NR6A1: variants seen among roughly 807,000 people sequenced by gnomAD.
NR6A1 encodes the protein retinoic acid receptor-related testis-associated receptor.
In NR6A1, 7 loss-of-function variants were observed where a neutral mutation model predicts 59.1. The ratio of observed to expected loss-of-function variants is 0.12; its 90% CI spans 0.07 to 0.22. The LOEUF is 0.22. NR6A1 is among the 10% of genes least tolerant of loss of function. NR6A1 has a pLI of 1.00. For missense variants in NR6A1, 468 were observed against 611.6 expected (o/e 0.77, Z 2.48); for synonymous variants, 243 against 236.1 (o/e 1.03, Z -0.27).
Position 124,636,694 on chromosome 9 carries a change from C to T in NR6A1, c.143-82124G>A, listed in dbSNP as rs559858979. Among the ~76,000 whole-genome samples the T allele has an allele frequency of 3.3e-4, 50 of 152,294 alleles. No individual in the cohort carries two copies. In the South Asian group the frequency reaches 8.5e-3, roughly 26 times the overall value. On this transcript the variant is annotated intron_variant, in intron 2 of 9. Coordinates refer to ENST00000487099, the MANE Select transcript of NR6A1 (RefSeq NM_033334.4). ...AAAGACTGTTTCCTGCATCTTACTG[C>T]CTTTTCTCCTATGTCAAAGATCAGT...
At chr9:124,655,917 CA>C (rs941837818) in intron 2 of NR6A1, among the ~76,000 whole-genome samples, 9 of 152,274 alleles carry the variant, frequency 5.9e-5, no homozygotes, top group South Asian at 2.1e-4. Context: ...AATGGATAAA[CA>C]AAATGTGGTT....
chr9:124,640,534 G>C (rs969281590), intron 2 of NR6A1, among the ~76,000 whole-genome samples: 1 of 152,022 alleles, frequency 6.6e-6, no homozygotes, highest in African/African-American at 2.4e-5. Context: ...CAAGTGGCTA[G>C]GGCTACAGGA....
chr9:124,598,664 A>AAC lies in NR6A1; in HGVS notation c.143-44095_143-44094insGT, dbSNP rs1554731668. 3.3e-4 allele frequency: 134 copies of AAC among 400,726 alleles called. 2 individuals carry two copies. The highest frequency in any genetic ancestry group is 2.8e-3 in the African/African-American group (131 of 46,372). 24.8% of individuals were successfully genotyped at this position (400,726 alleles called of 1,614,324 possible). The stretch of plus-strand genomic sequence containing the variant: ...AGTAAAATTAAAAAAAAAAAAAAAA[A>AAC]AAAAACAAGGAAGGGAAAGAGAGGA... On this transcript the variant is annotated intron_variant, in intron 2 of 9. Transcript: ENST00000487099.
chr9:124,748,462 G>A (rs1840398044), intron 1 of NR6A1, among the ~76,000 whole-genome samples: 1 of 152,188 alleles, frequency 6.6e-6, no homozygotes, highest in African/African-American at 2.4e-5. Context: ...CCATTTTACA[G>A]AAAGGAGAAA....
intron 1 of NR6A1, among the ~76,000 whole-genome samples, chr9:124,769,854 C>A (rs1034711228): frequency 6.6e-6 from 1 of 152,224 alleles, no homozygotes; most frequent in Non-Finnish European, 1.5e-5. Flanking sequence ...TGCTCCAGGG[C>A]GCTTTCCAAG....
intron 2 of NR6A1, among the ~76,000 whole-genome samples, chr9:124,650,230 G>A (rs1837057132): frequency 1.3e-5 from 2 of 152,280 alleles, no homozygotes; most frequent in South Asian, 4.1e-4. Context: ...TAAATAAAAT[G>A]TGCATAAGTA....
chr9:124,569,889 C>T (rs1834387729), intron 2 of NR6A1, among the ~76,000 whole-genome samples: 1 of 152,148 alleles, frequency 6.6e-6, no homozygotes, highest in Non-Finnish European at 1.5e-5. Context: ...TAAAAATTGA[C>T]ATCAGCTGAA....
At chr9:124,725,297 G>C (rs1254848025) in intron 2 of NR6A1, among the ~76,000 whole-genome samples, 4 of 152,024 alleles carry the variant, frequency 2.6e-5, no homozygotes, top group Admixed American at 6.6e-5. Context: ...TTGGACTCCA[G>C]GAAGTCCAGG....
intron 3 of NR6A1, 68 bp downstream of exon 3, chr9:124,554,260 A>G (rs1833868059): frequency 5.6e-6 from 9 of 1,607,602 alleles, no homozygotes; most frequent in Admixed American, 1.7e-5. Flanking sequence ...ATAAGTAACT[A>G]AACAGCTGAC....
chr9:124,643,144 T>G (rs1836816767), intron 2 of NR6A1, among the ~76,000 whole-genome samples: 1 of 150,808 alleles, frequency 6.6e-6, no homozygotes, highest in African/African-American at 2.4e-5. Context: ...TGACTGACAA[T>G]GAATATATAT....
At chr9:124,736,249 G>A (rs923685283) in intron 1 of NR6A1, among the ~76,000 whole-genome samples, 5 of 152,074 alleles carry the variant, frequency 3.3e-5, no homozygotes, top group Non-Finnish European at 7.4e-5. Flanking sequence ...GACTATACTA[G>A]AAGTCTCAAA....
chr9:124,549,903 C>A (rs1304236203), intron 3 of NR6A1, among the ~76,000 whole-genome samples: 6 of 152,358 alleles, frequency 3.9e-5, no homozygotes, highest in African/African-American at 1.2e-4. Context: ...TTCCAGAACA[C>A]AATCCAGGGG....
chr9:124,540,134 C>T lies in NR6A1; in HGVS notation c.495G>A (p.Glu165=), dbSNP rs1298322037. ...CACCATGGTTGCTCCAGTGATTGGC[C>T]TCTTCCTCAAACTCCTGCCCAGACA... ...RIMSGQEFEE[E]ANHWSNHGDS... is the part of the protein sequence containing the mutation. Residue 165 remains glutamate (E), a synonymous_variant, in exon 5 of 10, where the codon GAG becomes GAA. Coordinates refer to ENST00000487099, the MANE Select transcript of NR6A1 (RefSeq NM_033334.4). The T allele has an allele frequency of 1.2e-6, 2 of 1,614,046 alleles. No individual in the cohort carries two copies.
chr9:124,665,622 G>T (rs531453019), intron 2 of NR6A1, among the ~76,000 whole-genome samples: 1 of 152,310 alleles, frequency 6.6e-6, no homozygotes, highest in East Asian at 1.9e-4. Flanking sequence ...TGTAAAGCAT[G>T]TTTCCTTCAT....
At chr9:124,692,455 G>A (rs757884729) in intron 2 of NR6A1, 2 of 529,678 alleles carry the variant, frequency 3.8e-6, no homozygotes, top group South Asian at 1.4e-5. Flanking sequence ...AGGGCTATCA[G>A]GCCAGCCTTC....
In NR6A1 at chr9:124,618,747, T is replaced by C. The variant is rs143869567; in HGVS notation, c.143-64177A>G. On this transcript the variant is annotated intron_variant, in intron 2 of 9. Coordinates refer to ENST00000487099, the MANE Select transcript of NR6A1 (RefSeq NM_033334.4). ...CACAACAACTATTATTTGCCATTTG[T>C]TCACTGCCACTGATATGCTAACTTC... Among the ~76,000 whole-genome samples, 699 of 152,288 alleles carry C rather than the reference T, an allele frequency of 4.6e-3. 6 individuals carry two copies. Among genetic ancestry groups the C allele is most frequent in the African/African-American group, 0.016 (653 of 41,540 alleles).
chr9:124,703,143 G>C (rs1440742790), intron 2 of NR6A1, among the ~76,000 whole-genome samples: 2 of 150,932 alleles, frequency 1.3e-5, no homozygotes, highest in African/African-American at 4.9e-5. Flanking sequence ...GACCTCAACT[G>C]ATCTGCCCAC....
chr9:124,659,037 A>C (rs539113947), intron 2 of NR6A1, among the ~76,000 whole-genome samples: 1 of 152,260 alleles, frequency 6.6e-6, no homozygotes, highest in African/African-American at 2.4e-5. Context: ...GTATTTAAAG[A>C]AGGAAGAAAT....
chr9:124,563,929 A>G (rs1834156527), intron 2 of NR6A1, among the ~76,000 whole-genome samples: 1 of 152,140 alleles, frequency 6.6e-6, no homozygotes, highest in African/African-American at 2.4e-5. Flanking sequence ...TAAACAAATT[A>G]GCCAGGCATG....
Sources: allele counts gnomAD v4.1 joint callset (sites outside exome capture counted in the v4.1 genomes callset), GRCh38; gene constraint gnomAD v4.1.1; transcripts MANE v1.5; gene names NCBI Gene and HGNC (gene_info 2026-07-23, HGNC 2026-07-21).